The following DAP3 variants were observed in gnomAD, a reference collection of about 807,000 sequenced individuals.
DAP3 encodes the protein small ribosomal subunit protein mS29.
A neutral mutation model predicts 51.9 loss-of-function variants in DAP3; 28 were observed. The observed-to-expected ratio is 0.54, with a 90% confidence interval of 0.40 to 0.74. DAP3 has a LOEUF of 0.74. Ranked by LOEUF, DAP3 falls within the 30% of genes least tolerant of loss-of-function variation. The pLI, the probability that DAP3 is intolerant of heterozygous loss-of-function variation, is 0.00. For synonymous variants in DAP3, 170 were observed against 170.3 expected, an observed-to-expected ratio of 1.00 and a Z score of 0.01; for missense variants, 458 against 483.5, an observed-to-expected ratio of 0.95 and a Z score of 0.49.
upstream of DAP3, chr1:155,688,948 G>A: frequency 1.2e-6 from 2 of 1,612,022 alleles, no homozygotes; most frequent in South Asian, 1.1e-5. Context: ...GTTCGTCGCC[G>A]CGGCGCTGCG....
chr1:155,711,619 G>C (rs1403858389), intron 2 of DAP3, among the ~76,000 whole-genome samples: 1 of 150,952 alleles, frequency 6.6e-6, no homozygotes, highest in African/African-American at 2.4e-5. Flanking sequence ...CAGGGTGACT[G>C]TATTAGTCAG....
At chr1:155,698,180 G>A (rs1373479372) in intron 1 of DAP3, among the ~76,000 whole-genome samples, 2 of 152,160 alleles carry the variant, frequency 1.3e-5, no homozygotes, top group Non-Finnish European at 1.5e-5. Flanking sequence ...AGGGTCCTCA[G>A]GCGATATACA....
In DAP3 at chr1:155,729,483, A is replaced by C. The variant is rs181085427; in HGVS notation, c.843+117A>C. 132 of 1,371,150 alleles carry C rather than the reference A, an allele frequency of 9.6e-5. No individual in the cohort carries two copies. In the African/African-American group the frequency reaches 1.1e-3, roughly 12 times the overall value. The allele number at this position is 1,371,150 out of a possible 1,614,324, so 84.9% of individuals were successfully genotyped here. A position where few individuals can be genotyped will look rare whatever the true frequency, so the allele number is the denominator to read the frequency against. On this transcript the variant is annotated intron_variant, in intron 9 of 12. Transcript: ENST00000368336. ...GTTTTCTTGCCCTAGGAATATTTGA[A>C]GATAAACAGTAAAGAGCTGGGTGCA...
intron 11 of DAP3, among the ~76,000 whole-genome samples, chr1:155,734,707 C>T (rs577177227): frequency 1.3e-5 from 2 of 151,914 alleles, no homozygotes; most frequent in African/African-American, 4.9e-5. Context: ...GATGTACATA[C>T]ATACATGTAT....
At chr1:155,721,856 AC>A in intron 4 of DAP3, 1 of 532,850 alleles carries the variant, frequency 1.9e-6, no homozygotes, top group Non-Finnish European at 3.3e-6. Flanking sequence ...GCATCAAATA[AC>A]TGTTTTAAAT....
In DAP3 at chr1:155,737,070, C is replaced by T. The variant is rs777310096; in HGVS notation, c.1111+7C>T. The T allele has an allele frequency of 2.5e-6, 4 of 1,597,686 alleles. No homozygotes were observed. In the Admixed American group the frequency reaches 6.7e-5, roughly 27 times the overall value. ...TGGCTTCAACATGAGAAAGGTCCAT[C>T]ATTTAGTTTTTTCCTATCAGGGCTT... On this transcript the variant is annotated splice_region_variant and intron_variant, in intron 12 of 12. Coordinates refer to ENST00000368336, the MANE Select transcript of DAP3 (RefSeq NM_004632.4).
intron 2 of DAP3, among the ~76,000 whole-genome samples, chr1:155,712,400 G>A (rs1273510532): frequency 3.9e-5 from 6 of 152,098 alleles, no homozygotes; most frequent in Non-Finnish European, 7.4e-5. Context: ...ATCACCTGAG[G>A]TCGGGAGTTC....
chr1:155,706,016 A>G (rs539738728), intron 1 of DAP3, among the ~76,000 whole-genome samples: 14 of 152,030 alleles, frequency 9.2e-5, no homozygotes, highest in African/African-American at 3.1e-4. Flanking sequence ...TCATTTATTT[A>G]TCTATTTATT....
chr1:155,699,292 G>A (rs532887593), intron 1 of DAP3, among the ~76,000 whole-genome samples: 1 of 152,282 alleles, frequency 6.6e-6, no homozygotes, highest in Admixed American at 6.5e-5. Context: ...GGTGGGAGTG[G>A]GCTTAACTAG....
chr1:155,736,847 A>G, intron 11 of DAP3, 99 bp from the exon 12 acceptor site: 1 of 1,001,632 alleles, frequency 1.0e-6, no homozygotes, highest in Non-Finnish European at 1.6e-6. Context: ...TACATAGAAG[A>G]AAAACAAATA....
intron 1 of DAP3, among the ~76,000 whole-genome samples, chr1:155,700,535 C>CA: frequency 6.6e-6 from 1 of 151,168 alleles, no homozygotes; most frequent in East Asian, 2.0e-4. Context: ...GTCAGCCCCC[C>CA]GCCCGGCCAG....
At chr1:155,727,468 C>CAAAAA (rs201880344) in intron 6 of DAP3, 140 bp from the exon 7 acceptor site, 14 of 509,744 alleles carry the variant, frequency 2.7e-5, no homozygotes, top group Admixed American at 1.9e-4. Context: ...GACCCTGTCT[C>CAAAAA]AAAAAAAAAA....
At chr1:155,728,842 A>G (rs899527863) in intron 7 of DAP3, among the ~76,000 whole-genome samples, 200 bp from the exon 8 acceptor site, 48 of 148,114 alleles carry the variant, frequency 3.2e-4, no homozygotes, top group Non-Finnish European at 6.1e-4. Context: ...CCTGGGTTAC[A>G]GAGAAAGAAG....
At chr1:155,703,828 C>T (rs566501177) in intron 1 of DAP3, among the ~76,000 whole-genome samples, 6 of 152,278 alleles carry the variant, frequency 3.9e-5, no homozygotes, top group East Asian at 3.9e-4. Context: ...TGAGCCACTG[C>T]GCCTGACCTA....
At chr1:155,731,502 C>T (rs897523697) in intron 10 of DAP3, 87 bp downstream of exon 10, 5 of 1,351,752 alleles carry the variant, frequency 3.7e-6, no homozygotes, top group South Asian at 1.2e-5. Context: ...TAATACTTTA[C>T]AGTCTCTAAT....
intron 2 of DAP3, among the ~76,000 whole-genome samples, chr1:155,713,858 A>G (rs1657012187): frequency 6.6e-6 from 1 of 152,232 alleles, no homozygotes; most frequent in South Asian, 2.1e-4. Flanking sequence ...TGTATTGCCT[A>G]ACATCTAATA....
rs1160803072 is a variant in DAP3, at chr1:155,692,131, C to T, written c.-8+2957C>T. ...GCTTAAACAACGTATCTTTAGTTAGCTGGTGGGAGTGGGCTTAACTAGGAG... is the reference window on the plus strand; with the variant it reads ...GCTTAAACAACGTATCTTTAGTTAGTTGGTGGGAGTGGGCTTAACTAGGAG... On this transcript the variant is annotated intron_variant, in intron 1 of 12. Coordinates refer to ENST00000368336, the MANE Select transcript of DAP3 (RefSeq NM_004632.4). Among the ~76,000 whole-genome samples, 4 of 141,838 alleles carry T rather than the reference C, an allele frequency of 2.8e-5. No individual in the cohort carries two copies. The East Asian group carries it at 7.7e-4, about 27-fold the overall frequency. The allele number at this position is 141,838 out of a possible 152,430, so 93.1% of individuals were successfully genotyped here.
rs1299495082 is a variant in DAP3 at position 155,701,648 on chromosome 1, CTG to C, written c.-7-8122_-7-8121del. Among the ~76,000 whole-genome samples the C allele has an allele frequency of 2.3e-5, 3 of 130,924 alleles. No individual in the cohort carries two copies. The East Asian group carries it at 6.4e-4, about 28-fold the overall frequency. 85.9% of individuals were successfully genotyped at this position (130,924 alleles called of 152,430 possible). On this transcript the variant is annotated intron_variant, in intron 1 of 12. Coordinates refer to ENST00000368336, the MANE Select transcript of DAP3 (RefSeq NM_004632.4). ...TCCCATGACCCTGCCAAATCCCCCTCTGTGAGAAACACCCAAGAATTATCAAT... is the reference window on the plus strand; with the variant it reads ...TCCCATGACCCTGCCAAATCCCCCTCTGAGAAACACCCAAGAATTATCAAT...
intron 1 of DAP3, among the ~76,000 whole-genome samples, chr1:155,707,286 G>A (rs758995269): frequency 6.6e-6 from 1 of 151,204 alleles, no homozygotes; most frequent in East Asian, 1.9e-4. Context: ...GGTGGTGGGC[G>A]CCTGTAGTCC....
Sources: gnomAD v4.1 joint callset for allele counts (sites outside exome capture counted in the v4.1 genomes callset) on GRCh38, gnomAD v4.1.1 for gene constraint, MANE v1.5 for transcripts, NCBI Gene and HGNC (gene_info 2026-07-23, HGNC 2026-07-21) for gene names.